The following FHOD3 variants were observed in gnomAD, a reference collection of about 807,000 sequenced individuals.
The protein encoded by FHOD3 is formin homology 2 domain containing 3, also known as FH1/FH2 domain-containing protein 3.
Under a neutral mutation model 173.0 loss-of-function variants are expected in FHOD3, and 90 were observed. The observed-to-expected ratio is 0.52, with a 90% CI of 0.44 to 0.62. FHOD3 has a LOEUF of 0.62. FHOD3 is among the 20% of genes least tolerant of loss of function. The pLI, the probability that FHOD3 is intolerant of heterozygous loss-of-function variation, is 0.00. For synonymous variants in FHOD3, 828 were observed against 823.0 expected, an observed-to-expected ratio of 1.01 and a Z score of -0.10; for missense variants, 1,945 against 2,034.7, an observed-to-expected ratio of 0.96 and a Z score of 0.85.
At chr18:36,761,236 C>G (rs1303308240) in intron 27 of FHOD3, among the ~76,000 whole-genome samples, 1 of 152,206 alleles carries the variant, frequency 6.6e-6, no homozygotes, top group Non-Finnish European at 1.5e-5. Context: ...GGTTGCCAAC[C>G]CTGCCCTACA....
chr18:36,372,671 T>A lies in FHOD3; in HGVS notation c.273-9T>A. 6.2e-7 allele frequency: 1 copy of A among 1,613,664 alleles called. No homozygotes were observed. The highest frequency in any genetic ancestry group is 8.5e-7 in the Non-Finnish European group (1 of 1,179,762). On this transcript the variant is annotated splice_polypyrimidine_tract_variant and intron_variant, in intron 2 of 28. Transcript: ENST00000590592. ...TCTGATGCCCCTGTTTTGTCTCCTG[T>A]CTCGTTAGGCGGGGCAAGAAGCACA...
intron 3 of FHOD3, among the ~76,000 whole-genome samples, chr18:36,478,307 A>G (rs1410471857): frequency 2.0e-5 from 3 of 152,192 alleles, no homozygotes; most frequent in Non-Finnish European, 2.9e-5. Context: ...AGTACACAGT[A>G]GGGGTATATA....
chr18:36,456,658 C>A (rs554148110), intron 3 of FHOD3, among the ~76,000 whole-genome samples: 6 of 152,014 alleles, frequency 3.9e-5, no homozygotes, highest in Admixed American at 3.9e-4. Flanking sequence ...GTGTCCCCCA[C>A]GGGCAACAGT....
intron 3 of FHOD3, among the ~76,000 whole-genome samples, chr18:36,395,391 G>A (rs960197675): frequency 6.6e-6 from 1 of 151,702 alleles, no homozygotes; most frequent in African/African-American, 2.4e-5. Flanking sequence ...CACTTTAGCT[G>A]TCATTTTCTC....
chr18:36,761,696 C>G (rs1015254938), intron 27 of FHOD3, among the ~76,000 whole-genome samples: 1 of 152,166 alleles, frequency 6.6e-6, no homozygotes. Context: ...CACTCTTTCT[C>G]TTCCATGCAC....
chr18:36,670,549 A>T (rs1378105106), intron 14 of FHOD3, among the ~76,000 whole-genome samples: 1 of 152,076 alleles, frequency 6.6e-6, no homozygotes, highest in South Asian at 2.1e-4. Flanking sequence ...AATACCTTTC[A>T]TATTTTAACA....
intron 14 of FHOD3, among the ~76,000 whole-genome samples, chr18:36,668,458 CAAAG>C (rs1422293153): frequency 6.6e-6 from 1 of 151,892 alleles, no homozygotes; most frequent in Non-Finnish European, 1.5e-5. Context: ...TTTTTGACCA[CAAAG>C]AACCAGTTTT....
At chr18:36,462,506 T>C (rs2052618198) in intron 3 of FHOD3, among the ~76,000 whole-genome samples, 1 of 152,100 alleles carries the variant, frequency 6.6e-6, no homozygotes, top group African/African-American at 2.4e-5. Context: ...TAATTTTTTG[T>C]GTTTTTAGTA....
Position 36,655,490 on chromosome 18 carries a change from A to G in FHOD3, c.1721+2074A>G, listed in dbSNP as rs138987006. The stretch of plus-strand genomic sequence containing the variant: ...TGAAGATACACGTAAGTTGTGGGGG[A>G]AAAAAAAAGCTGCTTGCTTGTGAAT... On this transcript the variant is annotated intron_variant, in intron 13 of 28. Coordinates refer to ENST00000590592, the MANE Select transcript of FHOD3 (RefSeq NM_001281740.3). Among the ~76,000 whole-genome samples the G allele has an allele frequency of 3.1e-4, 47 of 151,522 alleles. No individual in the cohort carries two copies. The East Asian group carries it at 4.1e-3, about 13-fold the overall frequency.
At chr18:36,388,281 C>T (rs2146409501) in intron 3 of FHOD3, among the ~76,000 whole-genome samples, 1 of 152,256 alleles carries the variant, frequency 6.6e-6, no homozygotes, top group African/African-American at 2.4e-5. Context: ...AAAAGCGAAA[C>T]ACCGGGAGCC....
At chr18:36,660,710 C>T (rs1459527539) in intron 14 of FHOD3, among the ~76,000 whole-genome samples, 2 of 152,318 alleles carry the variant, frequency 1.3e-5, no homozygotes, top group South Asian at 2.1e-4. Context: ...TCCAAGGAGC[C>T]TGTCTGACAT....
intron 3 of FHOD3, among the ~76,000 whole-genome samples, chr18:36,472,344 C>G (rs1261835707): frequency 6.6e-6 from 1 of 152,132 alleles, no homozygotes. Flanking sequence ...GAGAAAAAAC[C>G]AATTTGTCTA....
chr18:36,340,877 T>G (rs932544647), intron 1 of FHOD3, among the ~76,000 whole-genome samples: 1 of 152,164 alleles, frequency 6.6e-6, no homozygotes, highest in Non-Finnish European at 1.5e-5. Context: ...GGCCTCATGA[T>G]CCGTCTGCCT....
chr18:36,591,942 G>T (rs560253012), intron 6 of FHOD3, among the ~76,000 whole-genome samples: 1 of 151,370 alleles, frequency 6.6e-6, no homozygotes, highest in Non-Finnish European at 1.5e-5. Context: ...AAGGTGGCTG[G>T]GCACGATGGC....
chr18:36,765,723 G>A (rs1017098129), intron 27 of FHOD3, among the ~76,000 whole-genome samples: 1 of 152,148 alleles, frequency 6.6e-6, no homozygotes, highest in Admixed American at 6.5e-5. Flanking sequence ...AGCAGAGACT[G>A]ATCACAGCAA....
chr18:36,311,964 C>T (rs1411986319), intron 1 of FHOD3, among the ~76,000 whole-genome samples: 3 of 152,150 alleles, frequency 2.0e-5, no homozygotes, highest in African/African-American at 7.2e-5. Flanking sequence ...GTCCCTCTTC[C>T]CTGGCCCTGG....
At chr18:36,581,254 T>C (rs2058840682) in intron 6 of FHOD3, among the ~76,000 whole-genome samples, 1 of 152,264 alleles carries the variant, frequency 6.6e-6, no homozygotes, top group Non-Finnish European at 1.5e-5. Flanking sequence ...ATGTGGATTT[T>C]TTTCTCTTCA....
rs113649703 is a variant in FHOD3, at chr18:36,546,986, A to G, written c.512-29465A>G. On this transcript the variant is annotated intron_variant, in intron 5 of 28. Transcript: ENST00000590592. The stretch of plus-strand genomic sequence containing the variant: ...TGCCCATGACATTTGGCTTCAGACT[A>G]GAGCATCAATTCACACTGCCTCACA... Among the ~76,000 whole-genome samples the G allele has an allele frequency of 3.7e-3, 563 of 152,312 alleles. 3 individuals are homozygous for G. Among genetic ancestry groups the G allele is most frequent in the African/African-American group, 0.013 (541 of 41,572 alleles).
Position 36,457,730 on chromosome 18 carries a change from T to C in FHOD3, c.338-44202T>C, listed in dbSNP as rs376426976. Reference sequence around the variant, plus strand: ...TTTTTTTCTCTGAGTTGGTACCTGCTCTTTCTTGATTTCTCTGAGAGAGAT... The same window carrying C: ...TTTTTTTCTCTGAGTTGGTACCTGCCCTTTCTTGATTTCTCTGAGAGAGAT... On this transcript the variant is annotated intron_variant, in intron 3 of 28. Coordinates refer to ENST00000590592, the MANE Select transcript of FHOD3 (RefSeq NM_001281740.3). Among the ~76,000 whole-genome samples, 19 of 152,262 alleles carry C rather than the reference T, an allele frequency of 1.2e-4. No homozygotes were observed. The East Asian group carries it at 3.5e-3, about 28-fold the overall frequency.
Sources: allele counts gnomAD v4.1 joint callset (sites outside exome capture counted in the v4.1 genomes callset), GRCh38; gene constraint gnomAD v4.1.1; transcripts MANE v1.5; gene names NCBI Gene and HGNC (gene_info 2026-07-23, HGNC 2026-07-21).